The following KCP variants were observed in gnomAD, a reference collection of about 807,000 sequenced individuals.
KCP encodes the protein kielin/chordin-like protein.
In KCP, 194 loss-of-function variants were observed where a neutral mutation model predicts 212.7. That is an observed-to-expected ratio of 0.91 (90% CI 0.81 to 1.03). The LOEUF (loss-of-function observed/expected upper bound fraction) is 1.03, where lower values mean the gene tolerates loss of function less well. KCP is among the 50% of genes least tolerant of loss of function. KCP has a pLI of 0.00. For synonymous variants in KCP, 833 were observed against 865.3 expected, an observed-to-expected ratio of 0.96 and a Z score of 0.65; for missense variants, 2,080 against 2,162.5, an observed-to-expected ratio of 0.96 and a Z score of 0.76.
chr7:128,907,132 G>T lies in KCP; in HGVS notation c.455C>A (p.Ser152Tyr), dbSNP rs1563055436. The T allele has an allele frequency of 1.9e-6, 3 of 1,551,428 alleles. No homozygotes were observed. The highest frequency in any genetic ancestry group is 2.0e-5 in the Admixed American group (1 of 50,972). ...GQTYGNGETF[S>Y]PDACTTCRCL... is the part of the protein sequence containing the mutation. ...GCGGCAGGTGGTGCAGGCATCTGGG[G>T]AGAAGGTCTCCCCGTTGCCGTAGGT... The change falls in exon 4 of 40, where the codon TCC (serine) becomes TAC (tyrosine). Residue 152 changes from serine (S) to tyrosine (Y), a missense_variant. Physicochemically the swap from Ser to Tyr is moderately radical, Grantham distance 144. Coordinates refer to ENST00000610776, the MANE Select transcript of KCP (RefSeq NM_001366122.1).
At chr7:128,889,869 A>G (rs1042653460) in intron 21 of KCP, 21 of 159,518 alleles carry the variant, frequency 1.3e-4, no homozygotes, top group Middle Eastern at 3.2e-3. Flanking sequence ...GCCCAAGACC[A>G]CACGGCAAAT....
chr7:128,903,943 C>T (rs1794991156), intron 6 of KCP, 113 bp downstream of exon 6: 1 of 1,357,196 alleles, frequency 7.4e-7, no homozygotes, highest in Admixed American at 2.0e-5. Context: ...ACCTAGCTGG[C>T]TCCACCTCTC....
At chr7:128,899,916 C>CCTCAT (rs1015876247) in intron 8 of KCP, among the ~76,000 whole-genome samples, 3 of 131,432 alleles carry the variant, frequency 2.3e-5, no homozygotes, top group Non-Finnish European at 4.5e-5. Flanking sequence ...GAGAAACCGG[C>CCTCAT]CTCATACCTT....
Position 128,892,390 on chromosome 7 carries a change from C to G in KCP, c.1621+124G>C. On this transcript the variant is annotated intron_variant, in intron 16 of 39. Transcript: ENST00000610776. ...CGTGAGTTCCAGAGAGTTCTAAGCT[C>G]TGAAACAAGACTGAAACAATTCAGA... 1.5e-5 allele frequency: 11 copies of G among 734,962 alleles called. No individual in the cohort carries two copies. In the South Asian group the frequency reaches 2.1e-4, roughly 14 times the overall value. The allele number at this position is 734,962 out of a possible 1,614,324, so 45.5% of individuals were successfully genotyped here.
At position 128,879,585 on chromosome 7, in the gene KCP, C is replaced by T. The variant is rs1415163412; in HGVS notation, c.4083G>A (p.Glu1361=). 6.4e-7 allele frequency: 1 copy of T among 1,550,440 alleles called. No homozygotes were observed. Among genetic ancestry groups the T allele is most frequent in the African/African-American group, 1.4e-5 (1 of 73,022 alleles). ...GHPVALPFLQ[E]PLLYVELRGH... ...CTCGCAGCTCCACATACAGCAGCGG[C>T]TCCTGCAGGAAGGGCAAGGCCACCG... The change falls in exon 37 of 40, where the codon GAG becomes GAA. Residue 1361 remains glutamate, a synonymous_variant. Transcript: ENST00000610776.
intron 39 of KCP, 36 bp from the exon 40 acceptor site, chr7:128,877,347 C>A (rs1224099557): frequency 6.5e-7 from 1 of 1,526,926 alleles, no homozygotes; most frequent in Admixed American, 2.2e-5. Flanking sequence ...TACCAAGGCA[C>A]CTGAAACTGC....
At chr7:128,890,260 C>T in intron 21 of KCP, 83 bp downstream of exon 21, 1 of 1,550,922 alleles carries the variant, frequency 6.4e-7, no homozygotes, top group African/African-American at 1.4e-5. Flanking sequence ...TTAGATCCAC[C>T]CTAGGGCAGT....
Position 128,880,409 on chromosome 7 carries a change from AGCGCTG to A in KCP, c.3730_3735del (p.Gln1244_Arg1245del), listed in dbSNP as rs1793258124. 6.5e-7 allele frequency: 1 copy of A among 1,541,094 alleles called. No homozygotes were observed. Among genetic ancestry groups the A allele is most frequent in the South Asian group, 1.2e-5 (1 of 83,120 alleles). On this transcript the variant is annotated inframe_deletion, in exon 34 of 40. Coordinates refer to ENST00000610776, the MANE Select transcript of KCP (RefSeq NM_001366122.1). ...ACGGGGCCACACGAGAGCGGTGAGC[AGCGCTG>A]GCTCTGGCAACGCACGGTGCCCGCC...
chr7:128,893,925 C>A, intron 10 of KCP, 26 bp from the exon 11 acceptor site: 1 of 1,550,484 alleles, frequency 6.4e-7, no homozygotes, highest in South Asian at 1.2e-5. Flanking sequence ...GGTCAGCACG[C>A]CAGAGGCAGG....
Position 128,876,984 on chromosome 7 carries a change from A to G in KCP, c.*59T>C. The G allele has an allele frequency of 2.0e-6, 3 of 1,517,978 alleles. No individual in the cohort carries two copies. The highest frequency in any genetic ancestry group is 2.4e-5 in the Admixed American group (1 of 41,456). The allele number at this position is 1,517,978 out of a possible 1,614,324, so 94.0% of individuals were successfully genotyped here. A position where few individuals can be genotyped will look rare whatever the true frequency, so the allele number is the denominator to read the frequency against. ...TCTCCATAGCCCTAACCAGGGTGGG[A>G]ACTGCTCGCCAAGGGGAGACTCCTG... is the stretch of plus-strand genomic sequence containing the variant. On this transcript the variant is annotated 3_prime_UTR_variant, in exon 40 of 40. Transcript: ENST00000610776.
At chr7:128,877,819 C>T in intron 38 of KCP, 29 bp from the exon 39 acceptor site, 1 of 1,523,400 alleles carries the variant, frequency 6.6e-7, no homozygotes, top group Non-Finnish European at 8.8e-7. Flanking sequence ...CCTGACGTGA[C>T]AGCACCACTG....
rs780005556 is a variant in KCP, at chr7:128,877,310, C to T, written c.4620G>A (p.Val1540=). 4.6e-6 allele frequency: 7 copies of T among 1,523,436 alleles called. No individual in the cohort carries two copies. In the South Asian group the frequency reaches 6.2e-5, roughly 14 times the overall value. 94.4% of individuals were successfully genotyped at this position (1,523,436 alleles called of 1,614,324 possible). The change falls in exon 40 of 40, where the codon GTG becomes GTA. Residue 1540 remains valine, a splice_region_variant and synonymous_variant. Transcript: ENST00000610776. ...AGCCACGCTCCAGGGGGCAGCCTACCACTGCAGGGGGAGTGGGAGGCGGGG... is the reference window on the plus strand; with the variant it reads ...AGCCACGCTCCAGGGGGCAGCCTACTACTGCAGGGGGAGTGGGAGGCGGGG... The part of the protein sequence containing the change: ...TPTWRGPTLC[V]VGCPLERGFV...
chr7:128,885,000 A>C, intron 27 of KCP, 97 bp downstream of exon 27: 1 of 1,522,134 alleles, frequency 6.6e-7, no homozygotes, highest in Non-Finnish European at 8.9e-7. Flanking sequence ...CCACTTCTCC[A>C]ACTGCCTGTC....
chr7:128,882,755 AAAAC>A (rs10611826), intron 29 of KCP, among the ~76,000 whole-genome samples: 40,542 of 151,648 alleles, frequency 0.27, 6,013 homozygotes, highest in East Asian at 0.51. Flanking sequence ...ACCACCATAA[AAAAC>A]AAACAAACAA....
In KCP at chr7:128,893,799, C is replaced by A. The variant is rs767437300; in HGVS notation, c.1099+7G>T. On this transcript the variant is annotated splice_region_variant and intron_variant, in intron 11 of 39. Transcript: ENST00000610776. ...CCCCTCCCGCAGAGACCCCGGCCCC[C>A]ACTCACCATCGCAGACAGGGCAGCA... is the stretch of plus-strand genomic sequence containing the variant. The A allele has an allele frequency of 6.5e-7, 1 of 1,549,680 alleles. No individual in the cohort carries two copies. Among genetic ancestry groups the A allele is most frequent in the South Asian group, 1.2e-5 (1 of 84,046 alleles).
At chr7:128,880,583 C>T in intron 33 of KCP, 36 bp downstream of exon 33, 2 of 1,342,586 alleles carry the variant, frequency 1.5e-6, no homozygotes, top group Non-Finnish European at 1.9e-6. Flanking sequence ...CCCAGAAGGT[C>T]TGGCTTACCC....
rs375405288 is a variant in KCP, at chr7:128,878,664, C to T, written c.4205G>A (p.Arg1402Gln). The T allele has an allele frequency of 2.1e-4, 323 of 1,551,248 alleles. 3 individuals carry two copies. The South Asian group carries it at 3.3e-3, about 16-fold the overall frequency. ...GAAGTTCCCACAGAGCCCACAAGTC[C>T]GGCCCTGGTAGGAGCCAGGTACGCT... ...EVSVPGSYQGRTCGLCGNFNG... is the reference protein window; with the variant it reads ...EVSVPGSYQGQTCGLCGNFNG... The change falls in exon 38 of 40, where the codon CGG becomes CAG. Residue 1402 changes from arginine (R) to glutamine (Q), a missense_variant. Arg to Gln is a conservative substitution (Grantham distance 43). Transcript: ENST00000610776.
intron 8 of KCP, 72 bp downstream of exon 8, chr7:128,902,705 A>G (rs781016287): frequency 5.9e-6 from 8 of 1,361,716 alleles, no homozygotes; most frequent in African/African-American, 5.8e-5. Flanking sequence ...AGTACTCCAT[A>G]GAATGAGCAA....
chr7:128,884,519 G>A (rs371742989), intron 28 of KCP, among the ~76,000 whole-genome samples: 4 of 152,094 alleles, frequency 2.6e-5, no homozygotes, highest in Non-Finnish European at 4.4e-5. Flanking sequence ...GTGGCTCTCC[G>A]GCCATACACA....
Sources: allele counts gnomAD v4.1 joint callset (sites outside exome capture counted in the v4.1 genomes callset), GRCh38; gene constraint gnomAD v4.1.1; transcripts MANE v1.5; gene names NCBI Gene and HGNC (gene_info 2026-07-23, HGNC 2026-07-21).